Variants in CLNK observed in about 807,000 individuals in gnomAD.
The protein encoded by CLNK is cytokine dependent hematopoietic cell linker.
In CLNK, 74 loss-of-function variants were observed where a neutral mutation model predicts 68.6. That is an observed-to-expected ratio of 1.08 (90% CI 0.89 to 1.31). The LOEUF is 1.31. CLNK is among the 50% of genes most tolerant of loss of function. The probability of loss-of-function intolerance (pLI) is 0.00; values close to 1 mark genes in which losing one functional copy is unlikely to be tolerated. For missense variants in CLNK, 553 were observed against 515.3 expected, an observed-to-expected ratio of 1.07 and a Z score of -0.71; for synonymous variants, 198 against 172.2, an observed-to-expected ratio of 1.15 and a Z score of -1.17.
intron 14 of CLNK, chr4:10,524,008 G>A (rs534663318): frequency 6.6e-5 from 16 of 241,296 alleles, no homozygotes; most frequent in Non-Finnish European, 1.4e-4. Context: ...ATAAAACCCT[G>A]TCTCAAAGAA....
At chr4:10,715,447 TG>T in the CLNK span, among the ~76,000 whole-genome samples, 1 of 152,210 alleles carries the variant, frequency 6.6e-6, no homozygotes, top group Non-Finnish European at 1.5e-5. Flanking sequence ...TTTCAAAATA[TG>T]GATAATAGTC....
the CLNK span, among the ~76,000 whole-genome samples, chr4:10,699,536 C>T: frequency 1.4e-5 from 1 of 70,762 alleles, no homozygotes; most frequent in Non-Finnish European, 2.8e-5. Context: ...TTTTCTGAGA[C>T]GGTTTTGCTC....
chr4:10,495,055 A>C (rs1427984076), intron 18 of CLNK, among the ~76,000 whole-genome samples: 2 of 152,092 alleles, frequency 1.3e-5, no homozygotes, highest in Non-Finnish European at 2.9e-5. Context: ...GATAAATGCC[A>C]AGCAAGCAGG....
intron 1 of CLNK, among the ~76,000 whole-genome samples, chr4:10,669,813 C>T (rs114216871): frequency 0.027 from 4,063 of 152,232 alleles, 95 homozygotes; most frequent in Middle Eastern, 0.1. Flanking sequence ...AAAGGGGAGG[C>T]GGCTGTTAGG....
intron 4 of CLNK, among the ~76,000 whole-genome samples, chr4:10,574,556 C>T (rs1180682618): frequency 1.3e-5 from 2 of 152,186 alleles, no homozygotes; most frequent in Non-Finnish European, 1.5e-5. Context: ...CCTCTGCCCC[C>T]GCCCTTTCCC....
intron 1 of CLNK, among the ~76,000 whole-genome samples, chr4:10,675,384 G>A (rs999708996): frequency 6.6e-6 from 1 of 152,122 alleles, no homozygotes; most frequent in African/African-American, 2.4e-5. Context: ...ATTTTCACGT[G>A]TCTTAATTCA....
intron 2 of CLNK, among the ~76,000 whole-genome samples, chr4:10,621,942 GC>G (rs1169368691): frequency 1.3e-5 from 2 of 152,182 alleles, no homozygotes; most frequent in Non-Finnish European, 2.9e-5. Context: ...TGATTGCGAT[GC>G]TGAGAAAATG....
At chr4:10,717,014 G>A in the CLNK span, among the ~76,000 whole-genome samples, 3 of 136,552 alleles carry the variant, frequency 2.2e-5, no homozygotes, top group Non-Finnish European at 3.2e-5. Context: ...GTAGCCAAAC[G>A]CCACAGAAAA....
chr4:10,591,493 G>T lies in CLNK; in HGVS notation c.83+6485C>A, dbSNP rs145848052. On this transcript the variant is annotated intron_variant, in intron 3 of 18. Coordinates refer to ENST00000226951, the MANE Select transcript of CLNK (RefSeq NM_052964.4). Reference sequence around the variant, plus strand: ...CCTGGAGCATGTGCACACCAATGTGGTGCTGAATGGGTAAGAGTGAGTGAA... The same window carrying T: ...CCTGGAGCATGTGCACACCAATGTGTTGCTGAATGGGTAAGAGTGAGTGAA... 5.5e-4 allele frequency among the ~76,000 whole-genome samples: 84 copies of T among 152,342 alleles called. 2 individuals carry two copies. Among genetic ancestry groups the T allele is most frequent in the Non-Finnish European group, 2.8e-4 (19 of 68,036 alleles).
chr4:10,659,289 G>A (rs1364260175), intron 2 of CLNK, among the ~76,000 whole-genome samples: 7 of 152,322 alleles, frequency 4.6e-5, no homozygotes, highest in South Asian at 4.1e-4. Flanking sequence ...TGGCTACAGC[G>A]CCTATGGCAT....
chr4:10,548,028 G>T (rs1719304874), intron 8 of CLNK, among the ~76,000 whole-genome samples: 1 of 152,102 alleles, frequency 6.6e-6, no homozygotes, highest in Non-Finnish European at 1.5e-5. Flanking sequence ...GAACCATAAG[G>T]TATGTCTATT....
intron 3 of CLNK, 51 bp from the exon 4 acceptor site, chr4:10,585,006 G>T (rs1465037967): frequency 2.5e-6 from 4 of 1,596,096 alleles, no homozygotes; most frequent in Admixed American, 1.7e-5. Context: ...CACCTCCACC[G>T]ACCCCCCGCC....
Position 10,532,239 on chromosome 4 carries a change from A to G in CLNK, c.630+17T>C. The G allele has an allele frequency of 6.2e-7, 1 of 1,601,700 alleles. No homozygotes were observed. On this transcript the variant is annotated intron_variant, in intron 12 of 18. Transcript: ENST00000226951. ...AAAATTCCCTTCTTTGCTTCCAAGG[A>G]TAAAATTGCTACTTACCTCACTTAA...
chr4:10,610,674 C>A (rs1026587024), intron 2 of CLNK, among the ~76,000 whole-genome samples: 1 of 151,876 alleles, frequency 6.6e-6, no homozygotes, highest in Non-Finnish European at 1.5e-5. Flanking sequence ...TGAATTACCC[C>A]TTTTATAGGT....
intron 2 of CLNK, among the ~76,000 whole-genome samples, chr4:10,651,832 T>C (rs1314957619): frequency 1.3e-5 from 2 of 152,118 alleles, no homozygotes; most frequent in Non-Finnish European, 2.9e-5. Flanking sequence ...CATTTAGCTA[T>C]AGATGTTGAT....
At chr4:10,543,085 G>C (rs911137943) in intron 8 of CLNK, among the ~76,000 whole-genome samples, 9 of 152,108 alleles carry the variant, frequency 5.9e-5, no homozygotes, top group Non-Finnish European at 1.2e-4. Context: ...TCTGGCTCTG[G>C]GGATGTGACA....
At chr4:10,664,524 C>T (rs1269816816) in intron 2 of CLNK, among the ~76,000 whole-genome samples, 1 of 152,132 alleles carries the variant, frequency 6.6e-6, no homozygotes, top group Non-Finnish European at 1.5e-5. Flanking sequence ...TTGGCGACTG[C>T]TGTGGATAAG....
intron 2 of CLNK, among the ~76,000 whole-genome samples, chr4:10,655,237 TG>T (rs1173952733): frequency 6.6e-6 from 1 of 151,772 alleles, no homozygotes; most frequent in Non-Finnish European, 1.5e-5. Context: ...ATATATAACA[TG>T]TTCGTGAACT....
At position 10,627,644 on chromosome 4, in the gene CLNK, GTC is replaced by G. The variant is rs201318164; in HGVS notation, c.12-29597_12-29596del. Among the ~76,000 whole-genome samples, 536 of 152,190 alleles carry G rather than the reference GTC, an allele frequency of 3.5e-3. 3 individuals are homozygous for G. Among genetic ancestry groups the G allele is most frequent in the Middle Eastern group, 0.021 (6 of 292 alleles). ...AGAGACAGGGTCAGAGAGACAGAGC[GTC>G]TCTCTGTCTCCTCCTTCTGCTGCTG... On this transcript the variant is annotated intron_variant, in intron 2 of 18. Transcript: ENST00000226951.
Sources: allele counts gnomAD v4.1 joint callset (sites outside exome capture counted in the v4.1 genomes callset), GRCh38; gene constraint gnomAD v4.1.1; transcripts MANE v1.5; gene names NCBI Gene and HGNC (gene_info 2026-07-23, HGNC 2026-07-21).